The following PLCG2 variants were observed in gnomAD, a reference collection of about 807,000 sequenced individuals.
PLCG2 encodes 1-phosphatidylinositol 4,5-bisphosphate phosphodiesterase gamma-2.
PLCG2 carries 69 observed loss-of-function variants against 175.6 expected under a neutral mutation model. The ratio of observed to expected loss-of-function variants is 0.39; its 90% CI spans 0.32 to 0.48. The LOEUF is 0.48. PLCG2 is among the 20% of genes least tolerant of loss of function. The pLI is 0.91. For missense variants in PLCG2, 1,798 were observed against 1,650.9 expected, an observed-to-expected ratio of 1.09 and a Z score of -1.54; for synonymous variants, 827 against 624.0, an observed-to-expected ratio of 1.33 and a Z score of -4.85.
intron 20 of PLCG2, 58 bp downstream of exon 20, chr16:81,919,722 T>G: frequency 6.9e-7 from 1 of 1,447,918 alleles, no homozygotes; most frequent in South Asian, 1.2e-5. Flanking sequence ...TTGTAACTCA[T>G]CTGTTCATGA....
chr16:81,891,407 G>GA, intron 10 of PLCG2, 65 bp from the exon 11 acceptor site: 1 of 949,850 alleles, frequency 1.1e-6, no homozygotes, highest in Non-Finnish European at 1.7e-6. Context: ...GCGCAGACCA[G>GA]AAACAAGCAG....
At chr16:81,783,499 T>C (rs1360677239) in intron 1 of PLCG2, among the ~76,000 whole-genome samples, 2 of 152,218 alleles carry the variant, frequency 1.3e-5, no homozygotes, top group Non-Finnish European at 1.5e-5. Context: ...AGTTAATATC[T>C]GGCCAGATGC....
intron 2 of PLCG2, among the ~76,000 whole-genome samples, chr16:81,761,487 T>G (rs1910040408): frequency 6.6e-6 from 1 of 152,228 alleles, no homozygotes. Context: ...TGGTTAAGCT[T>G]GGGCAGCAGC....
At chr16:81,781,344 G>A (rs996949440) in intron 1 of PLCG2, among the ~76,000 whole-genome samples, 2 of 151,730 alleles carry the variant, frequency 1.3e-5, no homozygotes, top group African/African-American at 4.8e-5. Context: ...TGGCTACTGA[G>A]CGTTCTTCAG....
chr16:81,893,742 G>C lies in PLCG2; in HGVS notation c.1020G>C (p.Ser340=), dbSNP rs778079439. 2.5e-6 allele frequency: 4 copies of C among 1,612,198 alleles called. No homozygotes were observed. Among genetic ancestry groups the C allele is most frequent in the Non-Finnish European group, 2.5e-6 (3 of 1,179,434 alleles). Residue 340 remains serine (S), a synonymous_variant, in exon 12 of 33, where the codon TCG becomes TCC. Transcript: ENST00000564138. ...CAGGTGACCAGCTGCGGAGCGAGTC[G>C]TCCCCAGAAGCTTACATCCGCTGCC... ...YLTGDQLRSE[S]SPEAYIRCLR...
At chr16:81,831,479 C>G (rs1427896484) in intron 2 of PLCG2, among the ~76,000 whole-genome samples, 1 of 152,202 alleles carries the variant, frequency 6.6e-6, no homozygotes, top group East Asian at 1.9e-4. Flanking sequence ...GTCAATGCCA[C>G]GAAACTGGCC....
chr16:81,769,786 C>G (rs924012313), intron 2 of PLCG2, among the ~76,000 whole-genome samples: 73 of 136,580 alleles, frequency 5.3e-4, no homozygotes, highest in African/African-American at 2.0e-3. Context: ...CGCCACTGCA[C>G]TCCAGCCTGG....
At chr16:81,739,286 C>T (rs1163229036) in exon 1 of PLCG2, 2 of 151,952 alleles carry the variant, frequency 1.3e-5, no homozygotes, top group Non-Finnish European at 2.9e-5. Flanking sequence ...GATTAAGCCT[C>T]TATCTGCTTA....
At chr16:81,940,721 G>GATAGACACTTCC (rs1265312619) in intron 30 of PLCG2, among the ~76,000 whole-genome samples, 1 of 152,072 alleles carries the variant, frequency 6.6e-6, no homozygotes, top group African/African-American at 2.4e-5. Context: ...AGCTGAGATA[G>GATAGACACTTCC]ACACTTCCAG....
intron 1 of PLCG2, among the ~76,000 whole-genome samples, chr16:81,748,103 G>A (rs1349699553): frequency 6.6e-6 from 1 of 152,144 alleles, no homozygotes; most frequent in Non-Finnish European, 1.5e-5. Flanking sequence ...TTGAACTCCT[G>A]ACCTCAGATG....
At chr16:81,903,193 G>C (rs1909224913) in intron 14 of PLCG2, among the ~76,000 whole-genome samples, 1 of 152,190 alleles carries the variant, frequency 6.6e-6, no homozygotes, top group Non-Finnish European at 1.5e-5. Flanking sequence ...CTTCCAGGTT[G>C]GGACAATAGG....
In PLCG2 at chr16:81,946,159, C is replaced by G. The variant is rs1911140224; in HGVS notation, c.3482-16C>G. 5 of 1,606,008 alleles carry G rather than the reference C, an allele frequency of 3.1e-6. No individual in the cohort carries two copies. The East Asian group carries it at 8.9e-5, about 29-fold the overall frequency. Reference sequence around the variant, plus strand: ...TAATTACCTGCCTTTGCATTTTCCTCCTTGTTCTGCTTCAGGATTCAGGTC... The same window carrying G: ...TAATTACCTGCCTTTGCATTTTCCTGCTTGTTCTGCTTCAGGATTCAGGTC... On this transcript the variant is annotated splice_polypyrimidine_tract_variant and intron_variant, in intron 30 of 32. Transcript: ENST00000564138.
chr16:81,869,584 G>T (rs1907415162), intron 6 of PLCG2, among the ~76,000 whole-genome samples: 1 of 152,128 alleles, frequency 6.6e-6, no homozygotes, highest in Non-Finnish European at 1.5e-5. Flanking sequence ...CTATTTCCCT[G>T]ACCATACTGC....
At position 81,900,991 on chromosome 16, in the gene PLCG2, A is replaced by G. The variant is rs1352335048; in HGVS notation, c.1362+211A>G. ...CTGTTGTCACCAGTCTCTGGGGGAG[A>G]TAATACTGGAACTCATCTGGCTAGC... On this transcript the variant is annotated intron_variant, in intron 14 of 32. Transcript: ENST00000564138. Among the ~76,000 whole-genome samples the G allele has an allele frequency of 6.6e-5, 10 of 152,208 alleles. No homozygotes were observed. In the South Asian group the frequency reaches 1.9e-3, roughly 28 times the overall value.
intron 7 of PLCG2, among the ~76,000 whole-genome samples, chr16:81,878,904 C>G (rs975532330): frequency 6.6e-6 from 1 of 152,096 alleles, no homozygotes; most frequent in East Asian, 1.9e-4. Flanking sequence ...GGGGCCAATT[C>G]CTGCAAACAC....
intron 19 of PLCG2, among the ~76,000 whole-genome samples, chr16:81,914,761 G>T (rs944681361): frequency 2.6e-5 from 4 of 152,168 alleles, no homozygotes; most frequent in African/African-American, 9.7e-5. Flanking sequence ...TCCTGCTTAT[G>T]TAACATTGGC....
At chr16:81,891,866 A>G (rs1908654062) in intron 11 of PLCG2, among the ~76,000 whole-genome samples, 1 of 152,250 alleles carries the variant, frequency 6.6e-6, no homozygotes, top group African/African-American at 2.4e-5. Context: ...TAACTAAAGT[A>G]ACATAGTAAA....
At chr16:81,768,685 C>A (rs1245676287) in intron 2 of PLCG2, among the ~76,000 whole-genome samples, 1 of 151,502 alleles carries the variant, frequency 6.6e-6, no homozygotes, top group African/African-American at 2.4e-5. Flanking sequence ...CCTGCCTCAG[C>A]CTTCCGAGTA....
chr16:81,757,200 C>G (rs908898489), intron 2 of PLCG2, among the ~76,000 whole-genome samples: 1 of 152,126 alleles, frequency 6.6e-6, no homozygotes, highest in Non-Finnish European at 1.5e-5. Flanking sequence ...CCCATCCGAT[C>G]ATTCAATCAT....
Sources: allele counts gnomAD v4.1 joint callset (sites outside exome capture counted in the v4.1 genomes callset), GRCh38; gene constraint gnomAD v4.1.1; transcripts MANE v1.5; gene names NCBI Gene and HGNC (gene_info 2026-07-23, HGNC 2026-07-21).